The following ADK variants were observed in gnomAD, a reference collection of about 807,000 sequenced individuals.
The protein encoded by ADK is adenosine kinase.
A neutral mutation model predicts 44.7 loss-of-function variants in ADK; 24 were observed. The ratio of observed to expected loss-of-function variants is 0.54; its 90% CI spans 0.39 to 0.76. The LOEUF is 0.76. ADK is among the 30% of genes least tolerant of loss of function. ADK has a pLI of 0.00. For synonymous variants in ADK, 128 were observed against 142.6 expected, an observed-to-expected ratio of 0.90 and a Z score of 0.73; for missense variants, 321 against 425.1, an observed-to-expected ratio of 0.76 and a Z score of 2.15.
At chr10:74,402,435 GT>G (rs1208998874) in intron 6 of ADK, among the ~76,000 whole-genome samples, 1 of 151,796 alleles carries the variant, frequency 6.6e-6, no homozygotes, top group East Asian at 1.9e-4. Context: ...GGCTTTGTGC[GT>G]TTCTTTTTAC....
chr10:74,541,788 C>A (rs1564782491), intron 7 of ADK, among the ~76,000 whole-genome samples: 2 of 61,210 alleles, frequency 3.3e-5, no homozygotes. Context: ...ACGAGAACCC[C>A]CACACACCCC....
rs553414470 is a variant in ADK, at chr10:74,400,266, G to C, written c.555+1687G>C. Among the ~76,000 whole-genome samples, 7 of 152,200 alleles carry C rather than the reference G, an allele frequency of 4.6e-5. No homozygotes were observed. The East Asian group carries it at 1.3e-3, about 29-fold the overall frequency. On this transcript the variant is annotated intron_variant, in intron 6 of 10. Coordinates refer to ENST00000539909, the MANE Select transcript of ADK (RefSeq NM_006721.4). ...ATACAAGTGTTAGCTTGTAGCTTCT[G>C]TTTCAGCAGTTTCATAAAAAGAATG... is the stretch of plus-strand genomic sequence containing the variant.
At chr10:74,425,017 G>A (rs986087247) in intron 6 of ADK, among the ~76,000 whole-genome samples, 5 of 152,054 alleles carry the variant, frequency 3.3e-5, no homozygotes, top group African/African-American at 9.7e-5. Context: ...GTTTCTGCTG[G>A]CTGTTACTCA....
At chr10:74,571,490 G>T (rs1047179142) in intron 7 of ADK, among the ~76,000 whole-genome samples, 14 of 152,218 alleles carry the variant, frequency 9.2e-5, no homozygotes, top group East Asian at 3.9e-4. Flanking sequence ...TATTCAGAGA[G>T]TCAACTTCTT....
intron 10 of ADK, among the ~76,000 whole-genome samples, chr10:74,684,240 G>A (rs1589367344): frequency 6.6e-6 from 1 of 152,126 alleles, no homozygotes; most frequent in Admixed American, 6.5e-5. Context: ...TAATAGCCAA[G>A]CACTTTTAAT....
At chr10:74,591,931 C>T (rs959391549) in intron 8 of ADK, among the ~76,000 whole-genome samples, 2 of 151,898 alleles carry the variant, frequency 1.3e-5, no homozygotes, top group African/African-American at 4.8e-5. Flanking sequence ...AATCCAAGCG[C>T]CTCTAAAAAT....
At chr10:74,417,186 T>C (rs1305842060) in intron 6 of ADK, among the ~76,000 whole-genome samples, 1 of 152,130 alleles carries the variant, frequency 6.6e-6, no homozygotes. Flanking sequence ...AAGTGGGGAA[T>C]CAGACTCAAG....
At chr10:74,321,985 T>C (rs529372344) in intron 4 of ADK, among the ~76,000 whole-genome samples, 2 of 152,222 alleles carry the variant, frequency 1.3e-5, no homozygotes, top group Admixed American at 1.3e-4. Flanking sequence ...GTAACATTAC[T>C]AATTGAGTTA....
intron 4 of ADK, among the ~76,000 whole-genome samples, chr10:74,370,726 A>G (rs1842631781): frequency 6.6e-6 from 1 of 151,930 alleles, no homozygotes; most frequent in South Asian, 2.1e-4. Flanking sequence ...ATTTTTTATT[A>G]TATAAATTTT....
At chr10:74,633,425 C>T (rs2134069896) in intron 9 of ADK, among the ~76,000 whole-genome samples, 1 of 152,200 alleles carries the variant, frequency 6.6e-6, no homozygotes, top group East Asian at 1.9e-4. Context: ...GCACTATTTG[C>T]AATGACCAAA....
At chr10:74,368,388 T>C (rs1277409043) in intron 4 of ADK, among the ~76,000 whole-genome samples, 2 of 152,064 alleles carry the variant, frequency 1.3e-5, no homozygotes, top group Admixed American at 6.6e-5. Context: ...AGATTAGAGA[T>C]GTGAGCCTCC....
intron 6 of ADK, among the ~76,000 whole-genome samples, chr10:74,471,005 A>G (rs1357014688): frequency 6.6e-6 from 1 of 151,616 alleles, no homozygotes; most frequent in African/African-American, 2.4e-5. Flanking sequence ...TTGCATGTGG[A>G]TATCCTGTTT....
At chr10:74,462,996 A>G (rs10762622) in intron 6 of ADK, among the ~76,000 whole-genome samples, 94,570 of 152,068 alleles carry the variant, frequency 0.62, 31,316 homozygotes, top group Middle Eastern at 0.78. Context: ...GAATTCCAAC[A>G]TTGTGATGAC....
In ADK at chr10:74,679,441, G is replaced by C. The variant is rs147724735; in HGVS notation, c.964+9172G>C. On this transcript the variant is annotated intron_variant, in intron 10 of 10. Coordinates refer to ENST00000539909, the MANE Select transcript of ADK (RefSeq NM_006721.4). ...GATTTTTTAAAAATGTTCTTATCTA[G>C]CAGAATTAAAGTTTGCCAGCTCTGT... 5.3e-3 allele frequency among the ~76,000 whole-genome samples: 801 copies of C among 152,198 alleles called. 2 individuals carry two copies. Among genetic ancestry groups the C allele is most frequent in the Non-Finnish European group, 8.4e-3 (574 of 68,028 alleles).
At chr10:74,563,725 CATG>C (rs1453194923) in intron 7 of ADK, among the ~76,000 whole-genome samples, 1 of 152,106 alleles carries the variant, frequency 6.6e-6, no homozygotes, top group Non-Finnish European at 1.5e-5. Flanking sequence ...TGCAAAGTAA[CATG>C]AATACCATGA....
chr10:74,180,838 A>G (rs1335094819), intron 1 of ADK, among the ~76,000 whole-genome samples: 1 of 152,142 alleles, frequency 6.6e-6, no homozygotes, highest in Non-Finnish European at 1.5e-5. Flanking sequence ...GGCGTGAGCC[A>G]CCGCCCCCAG....
At chr10:74,357,301 G>A (rs1471474893) in intron 4 of ADK, among the ~76,000 whole-genome samples, 1 of 152,072 alleles carries the variant, frequency 6.6e-6, no homozygotes, top group African/African-American at 2.4e-5. Context: ...CCTTTGTAGT[G>A]TGGTGGTGGT....
intron 3 of ADK, among the ~76,000 whole-genome samples, chr10:74,282,536 T>TAA (rs1846982062): frequency 6.6e-6 from 1 of 152,196 alleles, no homozygotes; most frequent in Non-Finnish European, 1.5e-5. Flanking sequence ...TTAAGAGTGG[T>TAA]AAGATTTAGT....
At chr10:74,397,877 T>A (rs553849498) in intron 5 of ADK, among the ~76,000 whole-genome samples, 2 of 152,332 alleles carry the variant, frequency 1.3e-5, no homozygotes, top group African/African-American at 4.8e-5. Flanking sequence ...TGCTTAGATA[T>A]TCCATTTCTA....
Sources: allele counts gnomAD v4.1 joint callset (sites outside exome capture counted in the v4.1 genomes callset), GRCh38; gene constraint gnomAD v4.1.1; transcripts MANE v1.5; gene names NCBI Gene and HGNC (gene_info 2026-07-23, HGNC 2026-07-21).